The following PLPPR5 variants were observed in gnomAD, a reference collection of about 807,000 sequenced individuals.
PLPPR5 encodes phospholipid phosphatase-related protein type 5.
A neutral mutation model predicts 33.9 loss-of-function variants in PLPPR5; 16 were observed. That is an observed-to-expected ratio of 0.47 (90% confidence interval 0.32 to 0.72). PLPPR5 has a LOEUF of 0.72. Among genes scored for constraint, PLPPR5 ranks in the 30% least tolerant of loss-of-function variants. The pLI, the probability that PLPPR5 is intolerant of heterozygous loss-of-function variation, is 0.03. For synonymous variants in PLPPR5, 163 were observed against 150.3 expected, an observed-to-expected ratio of 1.08 and a Z score of -0.62; for missense variants, 301 against 406.7, an observed-to-expected ratio of 0.74 and a Z score of 2.23.
intron 3 of PLPPR5, among the ~76,000 whole-genome samples, chr1:98,948,300 T>C (rs1270702999): frequency 1.3e-5 from 2 of 152,172 alleles, no homozygotes; most frequent in Non-Finnish European, 2.9e-5. Flanking sequence ...CATGGGACTT[T>C]GTGAGCTTAT....
chr1:98,908,181 G>A (rs574427716), intron 5 of PLPPR5, among the ~76,000 whole-genome samples: 7 of 152,236 alleles, frequency 4.6e-5, no homozygotes, highest in Admixed American at 4.6e-4. Flanking sequence ...GGAATTTTGG[G>A]ACATTATTGA....
intron 1 of PLPPR5, among the ~76,000 whole-genome samples, chr1:98,970,677 T>A (rs1402705959): frequency 6.6e-6 from 1 of 151,918 alleles, no homozygotes; most frequent in Non-Finnish European, 1.5e-5. Context: ...TATTATTACC[T>A]CATTTTACAG....
chr1:98,994,163 T>G (rs1246172412), intron 1 of PLPPR5, among the ~76,000 whole-genome samples: 1 of 151,460 alleles, frequency 6.6e-6, no homozygotes, highest in Non-Finnish European at 1.5e-5. Flanking sequence ...CACCAAATAT[T>G]TGTCTGGAGA....
At chr1:98,923,974 G>A (rs1364683644) in intron 3 of PLPPR5, among the ~76,000 whole-genome samples, 3 of 152,150 alleles carry the variant, frequency 2.0e-5, no homozygotes, top group South Asian at 4.1e-4. Flanking sequence ...CAGGCTTCTT[G>A]TGAGGTTTTC....
chr1:98,933,500 A>G (rs914993768), intron 3 of PLPPR5, among the ~76,000 whole-genome samples: 4 of 151,192 alleles, frequency 2.6e-5, no homozygotes, highest in South Asian at 2.1e-4. Context: ...AAAAAAAAAA[A>G]GGATTTCAGA....
intron 3 of PLPPR5, among the ~76,000 whole-genome samples, chr1:98,937,561 A>G (rs1650217296): frequency 6.6e-6 from 1 of 152,100 alleles, no homozygotes; most frequent in Non-Finnish European, 1.5e-5. Context: ...AAGCCAAGGC[A>G]TGTGAGAAGA....
chr1:98,983,257 T>G (rs867476137), intron 1 of PLPPR5, among the ~76,000 whole-genome samples: 2 of 115,700 alleles, frequency 1.7e-5, no homozygotes, highest in South Asian at 6.3e-4. Context: ...CCCACAACAG[T>G]CCCCAGAGTG....
Position 99,001,491 on chromosome 1 carries a change from A to G in PLPPR5, c.237+2944T>C, listed in dbSNP as rs866027132. 4.6e-5 allele frequency among the ~76,000 whole-genome samples: 7 copies of G among 151,518 alleles called. No individual in the cohort carries two copies. The South Asian group carries it at 1.3e-3, about 27-fold the overall frequency. On this transcript the variant is annotated intron_variant, in intron 1 of 5. Coordinates refer to ENST00000263177, the MANE Select transcript of PLPPR5 (RefSeq NM_001037317.2). ...TTGGATTTAAATCCAAATTTACTAG[A>G]CTCGGAACCTGAGCCCTAGTCAGCA...
At position 98,893,036 on chromosome 1, in the gene PLPPR5, G is replaced by A. The variant is rs750001470; in HGVS notation, c.*36C>T. On this transcript the variant is annotated 3_prime_UTR_variant, in exon 6 of 6. Transcript: ENST00000263177. ...TTATGAATGGATGGTAAAAAGGGAT[G>A]ATGTCCAATGCAGTGAAAAACCATC... is the stretch of plus-strand genomic sequence containing the variant. The A allele has an allele frequency of 6.2e-7, 1 of 1,602,650 alleles. No homozygotes were observed. The highest frequency in any genetic ancestry group is 8.5e-7 in the Non-Finnish European group (1 of 1,171,856).
intron 5 of PLPPR5, among the ~76,000 whole-genome samples, chr1:98,897,201 T>C (rs973543408): frequency 2.0e-4 from 31 of 152,226 alleles, no homozygotes; most frequent in African/African-American, 6.5e-4. Context: ...TTTCTGTATT[T>C]GTCTTAGCTT....
intron 1 of PLPPR5, among the ~76,000 whole-genome samples, chr1:98,998,446 C>T (rs2100766766): frequency 6.6e-6 from 1 of 152,234 alleles, no homozygotes; most frequent in South Asian, 2.1e-4. Context: ...CCACCTACTC[C>T]TCTACAACAT....
At chr1:98,997,792 C>T (rs1652682155) in intron 1 of PLPPR5, among the ~76,000 whole-genome samples, 1 of 152,172 alleles carries the variant, frequency 6.6e-6, no homozygotes, top group African/African-American at 2.4e-5. Context: ...TTATATTTTC[C>T]TTATATGTAT....
At chr1:98,964,393 T>C (rs1651359327) in intron 1 of PLPPR5, among the ~76,000 whole-genome samples, 1 of 152,032 alleles carries the variant, frequency 6.6e-6, no homozygotes, top group Admixed American at 6.5e-5. Context: ...GTGGTCCCAG[T>C]GGGAAGGATC....
chr1:98,898,472 G>A (rs1166399846), intron 5 of PLPPR5, among the ~76,000 whole-genome samples: 1 of 152,126 alleles, frequency 6.6e-6, no homozygotes, highest in African/African-American at 2.4e-5. Flanking sequence ...GGAGGGGAAG[G>A]TGAGCAGAAG....
chr1:98,903,757 G>A (rs1648788086), intron 5 of PLPPR5, among the ~76,000 whole-genome samples: 2 of 152,050 alleles, frequency 1.3e-5, no homozygotes, highest in Admixed American at 1.3e-4. Flanking sequence ...TATCCTACAG[G>A]GAAACCATCA....
At chr1:98,941,718 C>T (rs571853461) in intron 3 of PLPPR5, among the ~76,000 whole-genome samples, 6 of 151,542 alleles carry the variant, frequency 4.0e-5, no homozygotes, top group Non-Finnish European at 8.8e-5. Flanking sequence ...GTATTTAGCA[C>T]AGTAAGAACT....
At chr1:98,895,907 G>C (rs1398205651) in intron 5 of PLPPR5, among the ~76,000 whole-genome samples, 1 of 151,964 alleles carries the variant, frequency 6.6e-6, no homozygotes, top group Non-Finnish European at 1.5e-5. Context: ...TTTAATCATA[G>C]TACATGAAAG....
At chr1:98,974,449 C>T (rs1651775604) in intron 1 of PLPPR5, among the ~76,000 whole-genome samples, 1 of 152,016 alleles carries the variant, frequency 6.6e-6, no homozygotes, top group South Asian at 2.1e-4. Flanking sequence ...CATTATATGA[C>T]CTGGCAATGG....
chr1:98,922,996 C>CA (rs922820949), intron 3 of PLPPR5, among the ~76,000 whole-genome samples: 56 of 106,150 alleles, frequency 5.3e-4, no homozygotes, highest in South Asian at 1.0e-3. Context: ...AAAACAACAA[C>CA]AACAACAAAA....
Sources: allele counts gnomAD v4.1 joint callset (sites outside exome capture counted in the v4.1 genomes callset), GRCh38; gene constraint gnomAD v4.1.1; transcripts MANE v1.5; gene names NCBI Gene and HGNC (gene_info 2026-07-23, HGNC 2026-07-21).